Variants in ZNF142 observed in about 807,000 individuals in gnomAD.
ZNF142 encodes zinc finger protein 142.
ZNF142 carries 96 observed loss-of-function variants against 132.1 expected under a neutral mutation model. The observed-to-expected ratio is 0.73, with a 90% CI of 0.62 to 0.86. The LOEUF is 0.86. ZNF142 is among the 40% of genes least tolerant of loss of function. ZNF142 has a pLI of 0.00. For synonymous variants in ZNF142, 842 were observed against 890.1 expected (o/e 0.95, Z 0.96); for missense variants, 2,163 against 2,336.2 (o/e 0.93, Z 1.53).
Position 218,643,916 on chromosome 2 carries a change from A to T in ZNF142, c.3200T>A (p.Leu1067Gln), listed in dbSNP as rs1432549890. The change falls in exon 9 of 11, where the codon CTG becomes CAG. Residue 1067 changes from leucine to glutamine, a missense_variant. Transcript: ENST00000411696. ...TGCQGRREPL[L>Q]CPECGASFKQ... ...GAAGCTAGCCCCACACTCGGGGCAC[A>T]GCAGGGGCTCTCGGCGGCCTTGGCA... The T allele has an allele frequency of 6.2e-7, 1 of 1,614,156 alleles. No individual in the cohort carries two copies. The highest frequency in any genetic ancestry group is 1.6e-4 in the Middle Eastern group (1 of 6,062).
chr2:218,656,164 G>A lies in ZNF142; in HGVS notation c.266C>T (p.Pro89Leu), dbSNP rs772611150. The A allele has an allele frequency of 1.3e-5, 21 of 1,595,650 alleles. No homozygotes were observed. The African/African-American group carries it at 2.4e-4, about 18-fold the overall frequency. ...TVAGTLTPGAPGETPGVLVKV... is the reference protein window; with the variant it reads ...TVAGTLTPGALGETPGVLVKV... ...TGTGTTTGTACCTGGGGTCTCTCCA[G>A]GAGCACCTGGGGTCAGGGTTCCAGC... Residue 89 changes from proline (P) to leucine (L), a missense_variant, in exon 4 of 11, where the codon CCT becomes CTT. Physicochemically the swap from Pro to Leu is moderately conservative, Grantham distance 98. Around this residue, in one of 7 missense-constraint regions of ZNF142, gnomAD observed 195 missense variants for 172.4 expected, o/e 1.13. Coordinates refer to ENST00000411696, the MANE Select transcript of ZNF142 (RefSeq NM_001379659.1).
intron 4 of ZNF142, 90 bp from the exon 5 acceptor site, chr2:218,652,390 C>G (rs1233631333): frequency 2.3e-6 from 1 of 438,490 alleles, no homozygotes; most frequent in Non-Finnish European, 4.6e-6. Flanking sequence ...GTAGGTGAAT[C>G]TTTTAATATT....
intron 8 of ZNF142, among the ~76,000 whole-genome samples, chr2:218,645,595 C>T (rs2106225693): frequency 6.6e-6 from 1 of 152,248 alleles, no homozygotes; most frequent in Admixed American, 6.5e-5. Context: ...ACTCTGAGAA[C>T]TCAAGTGACA....
Position 218,636,502 on chromosome 2 carries a change from T to G in ZNF142, c.*1837A>C. The stretch of plus-strand genomic sequence containing the variant: ...GCCACATTCACCTGCTGTCCAAAGA[T>G]GGCATCAGCCTCCGCCCAGCTTCCA... On this transcript the variant is annotated 3_prime_UTR_variant, in exon 11 of 11. Coordinates refer to ENST00000411696, the MANE Select transcript of ZNF142 (RefSeq NM_001379659.1). 6.2e-7 allele frequency: 1 copy of G among 1,613,998 alleles called. No homozygotes were observed. The highest frequency in any genetic ancestry group is 1.1e-5 in the South Asian group (1 of 91,086).
In ZNF142 at chr2:218,636,211, G is replaced by C. The variant is rs776719004; in HGVS notation, c.*2128C>G. The C allele has an allele frequency of 6.2e-7, 1 of 1,600,790 alleles. No homozygotes were observed. ...ACCCAGTCAAGAAAACTGTCATAAT[G>C]TCTTCTTATTTCTTTCTGTCCACCA... On this transcript the variant is annotated 3_prime_UTR_variant, in exon 11 of 11. Transcript: ENST00000411696.
Position 218,648,645 on chromosome 2 carries a change from A to G in ZNF142, c.1863T>C (p.Leu621=), listed in dbSNP as rs773530530. The G allele has an allele frequency of 6.2e-7, 1 of 1,612,726 alleles. No individual in the cohort carries two copies. Among genetic ancestry groups the G allele is most frequent in the African/African-American group, 1.3e-5 (1 of 74,928 alleles). Residue 621 remains leucine (L), a synonymous_variant, in exon 7 of 11, where the codon CTT becomes CTC. Transcript: ENST00000411696. ...TGGAAACCATCCTACCCGTATGTAGAAGCATGTGTCGGATGAGCACCCTCT... is the reference window on the plus strand; with the variant it reads ...TGGAAACCATCCTACCCGTATGTAGGAGCATGTGTCGGATGAGCACCCTCT... The part of the protein sequence containing the change: ...AHKRVLIRHM[L]LHTGEKPHKC...
In ZNF142 at chr2:218,638,083, A is replaced by C. The variant is rs1249025537; in HGVS notation, c.*256T>G. 4 of 352,076 alleles carry C rather than the reference A, an allele frequency of 1.1e-5. No homozygotes were observed. The highest frequency in any genetic ancestry group is 2.0e-5 in the Non-Finnish European group (4 of 197,030). 21.8% of individuals were successfully genotyped at this position (352,076 alleles called of 1,614,324 possible). On this transcript the variant is annotated 3_prime_UTR_variant, in exon 11 of 11. Coordinates refer to ENST00000411696, the MANE Select transcript of ZNF142 (RefSeq NM_001379659.1). ...TATAGCCAGGGACTTTGATGGAGTG[A>C]TGGTGAAGAAACTGAGAACTTGCAG...
At chr2:218,656,120 C>A in intron 4 of ZNF142, 30 bp downstream of exon 4, 1 of 1,478,548 alleles carries the variant, frequency 6.8e-7, no homozygotes, top group Non-Finnish European at 9.0e-7. Context: ...GCTGCTTGTC[C>A]CACTGGCCTG....
chr2:218,656,497 G>A (rs1938517112), intron 3 of ZNF142, 34 bp from the exon 4 acceptor site: 20 of 1,404,274 alleles, frequency 1.4e-5, no homozygotes, highest in Non-Finnish European at 1.7e-5. Context: ...ACAAAGTAAG[G>A]TTAGAGTTCT....
chr2:218,654,366 CA>C (rs1238906336), intron 4 of ZNF142, among the ~76,000 whole-genome samples: 1 of 129,514 alleles, frequency 7.7e-6, no homozygotes, highest in Non-Finnish European at 1.6e-5. Flanking sequence ...TGCCAAAATG[CA>C]TCTCCTTTTT....
intron 9 of ZNF142, among the ~76,000 whole-genome samples, chr2:218,641,334 C>T (rs1697173654): frequency 6.7e-6 from 1 of 150,210 alleles, no homozygotes; most frequent in Non-Finnish European, 1.5e-5. Flanking sequence ...GCAAGTTCTG[C>T]CTCCCAGGTT....
rs1269463264 is a variant in ZNF142, at chr2:218,649,031, A to G, written c.1477T>C (p.Cys493Arg). 6.2e-7 allele frequency: 1 copy of G among 1,613,074 alleles called. No individual in the cohort carries two copies. Among genetic ancestry groups the G allele is most frequent in the Admixed American group, 1.7e-5 (1 of 60,026 alleles). ...TTGCGGTCGGGTGCTGCATAGCTGC[A>G]GCCCTCCTGAAAGCAGCGAAGGGGT... ...PLPLRCFQEG[C>R]SYAAPDRKAF... is the part of the protein sequence containing the mutation. Residue 493 changes from cysteine to arginine, a missense_variant, in exon 7 of 11, where the codon TGC (cysteine) becomes CGC (arginine). Coordinates refer to ENST00000411696, the MANE Select transcript of ZNF142 (RefSeq NM_001379659.1).
At position 218,634,362 on chromosome 2, in the gene ZNF142, A is replaced by G; in HGVS notation, c.*3977T>C. The G allele has an allele frequency of 6.4e-7, 1 of 1,573,254 alleles. No individual in the cohort carries two copies. The highest frequency in any genetic ancestry group is 8.6e-7 in the Non-Finnish European group (1 of 1,156,440). ...CTATCAGTGGATATTACCAGCAGGT[A>G]CCGTGCACCCAGTACCTATCTTCTT... On this transcript the variant is annotated 3_prime_UTR_variant, in exon 11 of 11. Transcript: ENST00000411696. This position sits in a 1 kb window ranked among gnomAD's most constrained non-coding sequence, Gnocchi z 4.0.
chr2:218,636,829 T>C lies in ZNF142; in HGVS notation c.*1510A>G, dbSNP rs535004550. 9.1e-5 allele frequency: 51 copies of C among 562,864 alleles called. No individual in the cohort carries two copies. The African/African-American group carries it at 9.1e-4, about 10-fold the overall frequency. The allele number at this position is 562,864 out of a possible 1,614,324, so 34.9% of individuals were successfully genotyped here. The stretch of plus-strand genomic sequence containing the variant: ...CTGCCCTTTTCCTTTGTGTACTCTA[T>C]ACTGGAGTTCCCTTCTTCCTCTTGC... On this transcript the variant is annotated 3_prime_UTR_variant, in exon 11 of 11. Transcript: ENST00000411696.
chr2:218,646,294 T>C lies in ZNF142; in HGVS notation c.1928A>G (p.Tyr643Cys), dbSNP rs770718555. The change falls in exon 8 of 11, where the codon TAC (tyrosine) becomes TGC (cysteine). Residue 643 changes from tyrosine to cysteine, a missense_variant. Tyr to Cys is a radical substitution (Grantham distance 194). Coordinates refer to ENST00000411696, the MANE Select transcript of ZNF142 (RefSeq NM_001379659.1). ...LCDFTCRDVS[Y>C]LSKHMLTHSN... ...GTGGGTCAGCATGTGCTTGGATAGG[T>C]AGCTCACGTCTCGGCATGTGAAGTC... 13 of 1,614,190 alleles carry C rather than the reference T, an allele frequency of 8.1e-6. No individual in the cohort carries two copies. Among genetic ancestry groups the C allele is most frequent in the Non-Finnish European group, 1.1e-5 (13 of 1,180,034 alleles).
At position 218,638,749 on chromosome 2, in the gene ZNF142, GCAGTGCAT is replaced by G; in HGVS notation, c.5246_5253del (p.Asp1749AlafsTer17). 6.2e-7 allele frequency: 1 copy of G among 1,611,968 alleles called. No homozygotes were observed. The highest frequency in any genetic ancestry group is 8.5e-7 in the Non-Finnish European group (1 of 1,179,990). On this transcript the variant is annotated frameshift_variant, in exon 11 of 11. Transcript: ENST00000411696. LOFTEE classifies it high-confidence loss of function. The stretch of plus-strand genomic sequence containing the variant: ...CGATGCCGGGTCTCCTGGTGCACAC[GCAGTGCAT>G]CAGCCCGGTTGGTGCAGTACTCACA...
chr2:218,634,297 G>T lies in ZNF142; in HGVS notation c.*4042C>A. 1 of 1,572,504 alleles carries T rather than the reference G, an allele frequency of 6.4e-7. No individual in the cohort carries two copies. Among genetic ancestry groups the T allele is most frequent in the Non-Finnish European group, 8.6e-7 (1 of 1,159,142 alleles). ...GAAATAAGTTCTCTAGTGATGGTAG[G>T]GTTGGGGAATGCTCAAGAAAATTGC... is the stretch of plus-strand genomic sequence containing the variant. On this transcript the variant is annotated 3_prime_UTR_variant, in exon 11 of 11. Transcript: ENST00000411696. This position sits in a 1 kb window ranked among gnomAD's most constrained non-coding sequence, Gnocchi z 4.0.
At position 218,635,629 on chromosome 2, in the gene ZNF142, G is replaced by A. The variant is rs1696685424; in HGVS notation, c.*2710C>T. Among the ~76,000 whole-genome samples the A allele has an allele frequency of 1.3e-5, 2 of 152,152 alleles. No homozygotes were observed. Among genetic ancestry groups the A allele is most frequent in the South Asian group, 2.1e-4 (1 of 4,836 alleles). ...ATTACAGGTGTGAGCCACCGTGCCCGGCCTTTGGGTGCATTTTAAATTGCA... is the reference window on the plus strand; with the variant it reads ...ATTACAGGTGTGAGCCACCGTGCCCAGCCTTTGGGTGCATTTTAAATTGCA... On this transcript the variant is annotated 3_prime_UTR_variant, in exon 11 of 11. Transcript: ENST00000411696.
At position 218,644,338 on chromosome 2, in the gene ZNF142, C is replaced by T; in HGVS notation, c.2778G>A (p.Leu926=). 3 of 1,614,104 alleles carry T rather than the reference C, an allele frequency of 1.9e-6. No individual in the cohort carries two copies. The highest frequency in any genetic ancestry group is 2.5e-6 in the Non-Finnish European group (3 of 1,180,010). Residue 926 remains leucine (L), a synonymous_variant, in exon 9 of 11, where the codon CTG becomes CTA. Transcript: ENST00000411696. This position sits in a 1 kb window ranked among gnomAD's most constrained non-coding sequence, Gnocchi z 4.6. ...CCAGTCCATCTGGCCCTTCCAGTCCCAGGGGCCTGAACTCCATAGGGGCTG... is the reference window on the plus strand; with the variant it reads ...CCAGTCCATCTGGCCCTTCCAGTCCTAGGGGCCTGAACTCCATAGGGGCTG... ...TETAPMEFRP[L]GLEGPDGLEG...
Sources: gnomAD v4.1 joint callset for allele counts (sites outside exome capture counted in the v4.1 genomes callset) on GRCh38, gnomAD v4.1.1 for gene constraint, gnomAD v4.1.1 regional missense constraint, Gnocchi (gnomAD v3.1) non-coding constraint, MANE v1.5 for transcripts, NCBI Gene and HGNC (gene_info 2026-07-23, HGNC 2026-07-21) for gene names.